The following SH3TC2 variants were observed in gnomAD, a reference collection of about 807,000 sequenced individuals.
The protein encoded by SH3TC2 is SH3 domain and tetratricopeptide repeats 2, also known as SH3 domain and tetratricopeptide repeat-containing protein 2.
In SH3TC2, 87 loss-of-function variants were observed where a neutral mutation model predicts 124.5. The observed-to-expected ratio is 0.70, with a 90% CI of 0.59 to 0.84. The LOEUF is 0.84. SH3TC2 is among the 40% of genes least tolerant of loss of function. The probability of loss-of-function intolerance (pLI) is 0.00; values close to 1 mark genes in which losing one functional copy is unlikely to be tolerated. For synonymous variants in SH3TC2, 634 were observed against 628.5 expected (o/e 1.01, Z -0.13); for missense variants, 1,536 against 1,566.4 (o/e 0.98, Z 0.33).
Position 149,028,681 on chromosome 5 carries a change from C to A in SH3TC2, c.1173G>T (p.Leu391=), listed in dbSNP as rs756389971. Reference sequence around the variant, plus strand: ...TTCAGCATGATCGCTACTCACCACTCAGATCATTTGGAGGATTCTGGATGG... The same window carrying A: ...TTCAGCATGATCGCTACTCACCACTAAGATCATTTGGAGGATTCTGGATGG... The part of the protein sequence containing the change: ...FESIQNPPND[L]SASQPEGFKE... The change falls in exon 10 of 17, where the codon CTG becomes CTT. Residue 391 remains leucine, a synonymous_variant. Transcript: ENST00000515425. 7 of 1,614,200 alleles carry A rather than the reference C, an allele frequency of 4.3e-6. No individual in the cohort carries two copies. The South Asian group carries it at 7.7e-5, about 18-fold the overall frequency.
At position 149,014,696 on chromosome 5, in the gene SH3TC2, T is replaced by C. The variant is rs116009321; in HGVS notation, c.3054-1962A>G. On this transcript the variant is annotated intron_variant, in intron 12 of 16. Coordinates refer to ENST00000515425, the MANE Select transcript of SH3TC2 (RefSeq NM_024577.4). ...TGTGAAACTTCCTCTGAGAATACAA[T>C]GAGCTGAAAAACTCCACACCATGCT... Among the ~76,000 whole-genome samples the C allele has an allele frequency of 4.9e-3, 752 of 152,300 alleles. 10 individuals carry two copies. Among genetic ancestry groups the C allele is most frequent in the African/African-American group, 0.017 (711 of 41,568 alleles).
At position 148,996,917 on chromosome 5, in the gene SH3TC2, C is replaced by A. The variant is rs1227095019; in HGVS notation, c.*7794G>T. On this transcript the variant is annotated 3_prime_UTR_variant, in exon 17 of 17. Transcript: ENST00000515425. ...TCATAGATAACAGTAAAATGTGTGA[C>A]CCTAAATAAAAATACAGTAAAATGG... Among the ~76,000 whole-genome samples, 1 of 151,978 alleles carries A rather than the reference C, an allele frequency of 6.6e-6. No individual in the cohort carries two copies. The highest frequency in any genetic ancestry group is 2.4e-5 in the African/African-American group (1 of 41,362).
Position 149,026,950 on chromosome 5 carries a change from G to C in SH3TC2, c.2782C>G (p.Gln928Glu), listed in dbSNP as rs754409360. The C allele has an allele frequency of 1.2e-6, 2 of 1,614,172 alleles. No individual in the cohort carries two copies. Among genetic ancestry groups the C allele is most frequent in the Non-Finnish European group, 1.7e-6 (2 of 1,180,036 alleles). ...AGCTGGTGTCCAGACACCAGAACTTGGGCCAACCAGAGAAACACCTGTACT... is the reference window on the plus strand; with the variant it reads ...AGCTGGTGTCCAGACACCAGAACTTCGGCCAACCAGAGAAACACCTGTACT... ...ELVQVFLWLA[Q>E]VLVSGHQLTH... is the part of the protein sequence containing the mutation. The change falls in exon 11 of 17, where the codon CAA becomes GAA. Residue 928 changes from glutamine to glutamate, a missense_variant. This residue lies in a region of SH3TC2 where 426 missense variants were observed against 443.5 expected (regional missense o/e 0.96). Transcript: ENST00000515425.
chr5:149,060,484 C>T (rs1375926231), intron 1 of SH3TC2, among the ~76,000 whole-genome samples: 9 of 152,148 alleles, frequency 5.9e-5, no homozygotes, highest in Non-Finnish European at 1.0e-4. Context: ...TCAGAGTCAA[C>T]GTTCATTATT....
In SH3TC2 at chr5:148,995,702, A is replaced by C. The variant is rs1753498760; in HGVS notation, c.*9009T>G. 6.6e-6 allele frequency among the ~76,000 whole-genome samples: 1 copy of C among 152,054 alleles called. No individual in the cohort carries two copies. ...TATTTTTTTATTCACCCATTCAACA[A>C]ATCTTTATTGAGAGCCTGCCATGCA... is the stretch of plus-strand genomic sequence containing the variant. On this transcript the variant is annotated 3_prime_UTR_variant, in exon 17 of 17. Coordinates refer to ENST00000515425, the MANE Select transcript of SH3TC2 (RefSeq NM_024577.4).
intron 8 of SH3TC2, among the ~76,000 whole-genome samples, chr5:149,031,994 T>C (rs1373582994): frequency 6.6e-6 from 1 of 152,120 alleles, no homozygotes; most frequent in Non-Finnish European, 1.5e-5. Context: ...TCTCTCAACC[T>C]CTACCCATTC....
At position 149,028,078 on chromosome 5, in the gene SH3TC2, C is replaced by T. The variant is rs551953142; in HGVS notation, c.1654G>A (p.Glu552Lys). 42 of 1,613,956 alleles carry T rather than the reference C, an allele frequency of 2.6e-5. No individual in the cohort carries two copies. The highest frequency in any genetic ancestry group is 5.3e-5 in the African/African-American group (4 of 74,930). Reference sequence around the variant, plus strand: ...CCATTGAGAATGTGGATGGCCTCCTCGAAGTACACCCTGGCCTGAGAGAGT... The same window carrying T: ...CCATTGAGAATGTGGATGGCCTCCTTGAAGTACACCCTGGCCTGAGAGAGT... ...VKLSQARVYF[E>K]EAIHILNGAF... Residue 552 changes from glutamate (E) to lysine (K), a missense_variant, in exon 11 of 17, where the codon GAG becomes AAG. By Grantham distance (56) the Glu-to-Lys change is moderately conservative (BLOSUM62 1). Coordinates refer to ENST00000515425, the MANE Select transcript of SH3TC2 (RefSeq NM_024577.4).
In SH3TC2 at chr5:148,983,252, T is replaced by TA. The variant is rs1185612086; in HGVS notation, c.*21458dup. 5.3e-5 allele frequency among the ~76,000 whole-genome samples: 8 copies of TA among 152,252 alleles called. No homozygotes were observed. Among genetic ancestry groups the TA allele is most frequent in the African/African-American group, 7.2e-5 (3 of 41,464 alleles). ...TTTGTTTGTTTTTCAAATTGCCACT[T>TA]ACCATTTTTAGTACAAATTCCTTTT... On this transcript the variant is annotated 3_prime_UTR_variant, in exon 17 of 17. Coordinates refer to ENST00000515425, the MANE Select transcript of SH3TC2 (RefSeq NM_024577.4).
At chr5:149,013,091 A>G (rs535770426) in intron 12 of SH3TC2, among the ~76,000 whole-genome samples, 2 of 152,154 alleles carry the variant, frequency 1.3e-5, no homozygotes, top group Non-Finnish European at 2.9e-5. Flanking sequence ...ATTATTACTG[A>G]TGCATGGTCC....
intron 12 of SH3TC2, among the ~76,000 whole-genome samples, chr5:149,013,412 A>T (rs772763977): frequency 2.0e-5 from 3 of 152,228 alleles, no homozygotes; most frequent in Admixed American, 2.0e-4. Flanking sequence ...CTGTGAGTCC[A>T]TTAAACATCC....
chr5:149,050,349 C>G (rs1021029486), intron 2 of SH3TC2, among the ~76,000 whole-genome samples: 6 of 152,206 alleles, frequency 3.9e-5, no homozygotes, highest in African/African-American at 1.2e-4. Context: ...CTGACTGATT[C>G]TGTCTGCAAC....
At position 148,992,600 on chromosome 5, in the gene SH3TC2, GTTTTTTTTT is replaced by G. The variant is rs35182601; in HGVS notation, c.*12102_*12110del. Among the ~76,000 whole-genome samples the G allele has an allele frequency of 9.8e-6, 1 of 102,500 alleles. No individual in the cohort carries two copies. The highest frequency in any genetic ancestry group is 1.9e-5 in the Non-Finnish European group (1 of 53,702). The allele number at this position is 102,500 out of a possible 152,430, so 67.2% of individuals were successfully genotyped here. A position where few individuals can be genotyped will look rare whatever the true frequency, so the allele number is the denominator to read the frequency against. ...ATAATTCCAAGAAGAGATTTCATTG[GTTTTTTTTT>G]TTTTTTTTTTTTTCAGATTTTCGAA... On this transcript the variant is annotated 3_prime_UTR_variant, in exon 17 of 17. Transcript: ENST00000515425.
At chr5:149,043,916 CTGT>C (rs961118940) in intron 4 of SH3TC2, 2 of 152,860 alleles carry the variant, frequency 1.3e-5, no homozygotes, top group Non-Finnish European at 2.9e-5. Context: ...ATTAGGTGGC[CTGT>C]TGTTTTGTTT....
intron 9 of SH3TC2, among the ~76,000 whole-genome samples, chr5:149,031,315 G>A (rs1218303683): frequency 6.6e-6 from 1 of 152,078 alleles, no homozygotes; most frequent in African/African-American, 2.4e-5. Context: ...AGTCACCCAC[G>A]GTATAGGTGA....
chr5:149,012,477 G>T, intron 13 of SH3TC2, 107 bp downstream of exon 13: 2 of 1,423,194 alleles, frequency 1.4e-6, no homozygotes, highest in Non-Finnish European at 2.0e-6. Context: ...ACAGGCTTAG[G>T]GTGAACATCA....
intron 13 of SH3TC2, among the ~76,000 whole-genome samples, chr5:149,011,222 TGG>T (rs899765273): frequency 6.6e-6 from 1 of 152,226 alleles, no homozygotes; most frequent in African/African-American, 2.4e-5. Flanking sequence ...GGACCAGTTC[TGG>T]CCAGTGAACA....
chr5:148,994,693 T>TGGAA lies in SH3TC2; in HGVS notation c.*10014_*10017dup, dbSNP rs2127388922. ...CTGGTTGGATAAATGAATGGATGGA[T>TGGAA]GGAAGGATGGATGGATGGATGGATG... On this transcript the variant is annotated 3_prime_UTR_variant, in exon 17 of 17. Transcript: ENST00000515425. Among the ~76,000 whole-genome samples, 1 of 137,592 alleles carries TGGAA rather than the reference T, an allele frequency of 7.3e-6. No individual in the cohort carries two copies. Among genetic ancestry groups the TGGAA allele is most frequent in the East Asian group, 2.2e-4 (1 of 4,636 alleles). The allele number at this position is 137,592 out of a possible 152,430, so 90.3% of individuals were successfully genotyped here.
chr5:149,049,944 G>A (rs1466409183), intron 2 of SH3TC2, among the ~76,000 whole-genome samples: 1 of 152,132 alleles, frequency 6.6e-6, no homozygotes. Flanking sequence ...CTGCCCTCAG[G>A]TGATCATGAC....
intron 1 of SH3TC2, among the ~76,000 whole-genome samples, chr5:149,060,274 T>G (rs1278593241): frequency 2.6e-5 from 4 of 152,216 alleles, no homozygotes. Context: ...AGTGAGCAAC[T>G]GTAGCTTATT....
Sources: allele counts gnomAD v4.1 joint callset (sites outside exome capture counted in the v4.1 genomes callset), GRCh38; gene constraint gnomAD v4.1.1; regional missense constraint gnomAD v4.1.1; transcripts MANE v1.5; gene names NCBI Gene and HGNC (gene_info 2026-07-23, HGNC 2026-07-21).